The following PIKFYVE variants were observed in gnomAD, a reference collection of about 807,000 sequenced individuals.
The protein encoded by PIKFYVE is phosphoinositide kinase, FYVE-type zinc finger containing, also known as 1-phosphatidylinositol 3-phosphate 5-kinase.
A neutral mutation model predicts 257.9 loss-of-function variants in PIKFYVE; 122 were observed. The ratio of observed to expected loss-of-function variants is 0.47; its 90% CI spans 0.41 to 0.55. PIKFYVE has a LOEUF of 0.55. Ranked by LOEUF, PIKFYVE falls within the 20% of genes least tolerant of loss-of-function variation. The pLI, the probability that PIKFYVE is intolerant of heterozygous loss-of-function variation, is 0.00. For missense variants in PIKFYVE, 2,160 were observed against 2,536.6 expected, an observed-to-expected ratio of 0.85 and a Z score of 3.19; for synonymous variants, 892 against 868.9, an observed-to-expected ratio of 1.03 and a Z score of -0.47.
chr2:208,287,874 A>G (rs1216089948), intron 6 of PIKFYVE, among the ~76,000 whole-genome samples: 1 of 152,104 alleles, frequency 6.6e-6, no homozygotes, highest in Non-Finnish European at 1.5e-5. Flanking sequence ...CATTATAGGC[A>G]TGAGCCACCA....
intron 32 of PIKFYVE, 63 bp from the exon 33 acceptor site, chr2:208,345,048 T>C (rs1312207458): frequency 7.0e-6 from 8 of 1,149,464 alleles, no homozygotes; most frequent in South Asian, 2.5e-5. Context: ...ACTCTAAAGC[T>C]TATGATTTAC....
Position 208,320,333 on chromosome 2 carries a change from A to G in PIKFYVE, c.2164A>G (p.Thr722Ala), listed in dbSNP as rs566701537. The G allele has an allele frequency of 2.7e-4, 439 of 1,612,306 alleles. 2 individuals are homozygous for G. The South Asian group carries it at 4.6e-3, about 17-fold the overall frequency. The change falls in exon 17 of 42, where the codon ACT becomes GCT. Residue 722 changes from threonine (T) to alanine (A), a missense_variant. Thr to Ala is a moderately conservative substitution (Grantham distance 58, BLOSUM62 0). Around this residue, in one of 12 missense-constraint regions of PIKFYVE, gnomAD observed 346 missense variants for 365.6 expected, o/e 0.95. Transcript: ENST00000264380. ...EYLYREETKF[T>A]CIDPIVLQER... Reference sequence around the variant, plus strand: ...TCTCTACAGAGAAGAAACTAAGTTTACTTGCATTGATCCTATTGTGCTTCA... The same window carrying G: ...TCTCTACAGAGAAGAAACTAAGTTTGCTTGCATTGATCCTATTGTGCTTCA...
At chr2:208,344,655 A>G (rs1699057206) in intron 32 of PIKFYVE, among the ~76,000 whole-genome samples, 1 of 151,456 alleles carries the variant, frequency 6.6e-6, no homozygotes, top group Non-Finnish European at 1.5e-5. Flanking sequence ...GGGTTCCTAA[A>G]CTGCTAACCT....
intron 41 of PIKFYVE, among the ~76,000 whole-genome samples, chr2:208,354,905 T>C (rs922489325): frequency 7.2e-5 from 11 of 152,226 alleles, no homozygotes; most frequent in Non-Finnish European, 1.6e-4. Context: ...TTGTCTTTAA[T>C]TAACACTTGA....
In PIKFYVE at chr2:208,335,385, T is replaced by A; in HGVS notation, c.4222T>A (p.Ser1408Thr). ...FIKRQAPLKV[S>T]LLQDLKDFFQ... ...TAAGCGTCAGGCCCCATTAAAAGTG[T>A]CCCTTCTTCAGGATCTGAAGGACTT... is the stretch of plus-strand genomic sequence containing the variant. Residue 1408 changes from serine to threonine, a missense_variant, in exon 25 of 42, where the codon TCC (serine) becomes ACC (threonine). By Grantham distance (58) the Ser-to-Thr change is moderately conservative. Coordinates refer to ENST00000264380, the MANE Select transcript of PIKFYVE (RefSeq NM_015040.4). 4 of 1,611,506 alleles carry A rather than the reference T, an allele frequency of 2.5e-6. No individual in the cohort carries two copies. The South Asian group carries it at 4.4e-5, about 18-fold the overall frequency.
At chr2:208,338,483 G>A in intron 28 of PIKFYVE, 25 bp from the exon 29 acceptor site, 1 of 1,606,340 alleles carries the variant, frequency 6.2e-7, no homozygotes, top group Non-Finnish European at 8.5e-7. Flanking sequence ...TTTTCCATAA[G>A]AACAAAGTAT....
intron 2 of PIKFYVE, among the ~76,000 whole-genome samples, chr2:208,272,280 C>A (rs757300570): frequency 6.6e-6 from 1 of 151,720 alleles, no homozygotes; most frequent in Non-Finnish European, 1.5e-5. Flanking sequence ...AAGGAGATTT[C>A]TTTTAATAGA....
At chr2:208,307,378 G>A (rs772942361) in intron 12 of PIKFYVE, among the ~76,000 whole-genome samples, 7 of 152,192 alleles carry the variant, frequency 4.6e-5, no homozygotes, top group Admixed American at 6.5e-5. Flanking sequence ...ACATGGTTAA[G>A]AGGAAAGTGA....
intron 4 of PIKFYVE, among the ~76,000 whole-genome samples, chr2:208,277,128 TC>T (rs1690213950): frequency 6.6e-6 from 1 of 152,140 alleles, no homozygotes; most frequent in African/African-American, 2.4e-5. Context: ...AGTATAGGGG[TC>T]AGGCTTCCAT....
At chr2:208,270,320 G>A (rs13395304) in intron 1 of PIKFYVE, among the ~76,000 whole-genome samples, 117,984 of 151,986 alleles carry the variant, frequency 0.78, 47,126 homozygotes, top group East Asian at 0.98. Flanking sequence ...GGGATTATAG[G>A]TGTGAGCCAC....
chr2:208,350,683 T>G, intron 36 of PIKFYVE, 88 bp from the exon 37 acceptor site: 7 of 1,408,902 alleles, frequency 5.0e-6, no homozygotes, highest in Non-Finnish European at 7.0e-6. Flanking sequence ...AGTGGTTGCA[T>G]TTGGCCAGGG....
rs1700097867 is a variant in PIKFYVE at position 208,355,260 on chromosome 2, C to T, written c.6252C>T (p.Phe2084=). The change falls in exon 42 of 42, where the codon TTC becomes TTT. Residue 2084 remains phenylalanine, a synonymous_variant. Transcript: ENST00000264380. ...TRFCEAMDKY[F]LMVPDHWTGL... ...TTTGTGAGGCAATGGACAAGTATTT[C>T]CTAATGGTACCAGACCACTGGACAG... is the stretch of plus-strand genomic sequence containing the variant. The T allele has an allele frequency of 5.0e-6, 8 of 1,613,884 alleles. No homozygotes were observed. The highest frequency in any genetic ancestry group is 3.4e-6 in the Non-Finnish European group (4 of 1,179,910).
At chr2:208,295,730 A>G (rs1469225745) in intron 7 of PIKFYVE, among the ~76,000 whole-genome samples, 1 of 152,196 alleles carries the variant, frequency 6.6e-6, no homozygotes, top group Non-Finnish European at 1.5e-5. Context: ...CTCACATGTT[A>G]GGTTTCTCCA....
chr2:208,344,946 C>T (rs1699092824), intron 32 of PIKFYVE, among the ~76,000 whole-genome samples, 165 bp from the exon 33 acceptor site: 1 of 152,066 alleles, frequency 6.6e-6, no homozygotes, highest in South Asian at 2.1e-4. Flanking sequence ...TGACCTTCCT[C>T]ATGAAGCTTC....
At chr2:208,270,853 G>A (rs1574384228) in intron 1 of PIKFYVE, among the ~76,000 whole-genome samples, 1 of 152,038 alleles carries the variant, frequency 6.6e-6, no homozygotes. Context: ...GGCCAACATG[G>A]TGAAACCCCA....
intron 9 of PIKFYVE, among the ~76,000 whole-genome samples, chr2:208,301,848 T>TAC (rs919500442): frequency 2.5e-4 from 38 of 152,036 alleles, no homozygotes; most frequent in Non-Finnish European, 3.1e-4. Context: ...TATATATATA[T>TAC]ACACACACAC....
At chr2:208,303,861 A>G (rs1206525913) in intron 10 of PIKFYVE, among the ~76,000 whole-genome samples, 1 of 152,244 alleles carries the variant, frequency 6.6e-6, no homozygotes, top group Non-Finnish European at 1.5e-5. Flanking sequence ...CAGAGCTAAA[A>G]TAAATTCTAA....
At position 208,315,278 on chromosome 2, in the gene PIKFYVE, G is replaced by A. The variant is rs1285724726; in HGVS notation, c.1912G>A (p.Val638Met). ...SLSSSWRDII[V>M]SLVCQVVQTV... ...GTCATCATCTTGGAGGGACATCATC[G>A]TGTCATTGGTCTGCCAGGTTGTTCA... Residue 638 changes from valine (V) to methionine (M), a missense_variant, in exon 15 of 42, where the codon GTG (valine) becomes ATG (methionine). Val to Met is a conservative substitution (Grantham distance 21). Coordinates refer to ENST00000264380, the MANE Select transcript of PIKFYVE (RefSeq NM_015040.4). 5 of 1,614,116 alleles carry A rather than the reference G, an allele frequency of 3.1e-6. No homozygotes were observed. The highest frequency in any genetic ancestry group is 1.1e-5 in the South Asian group (1 of 91,082).
chr2:208,345,493 A>G (rs1192811002), intron 33 of PIKFYVE, among the ~76,000 whole-genome samples: 1 of 152,166 alleles, frequency 6.6e-6, no homozygotes, highest in Non-Finnish European at 1.5e-5. Flanking sequence ...AATAACTTGT[A>G]AAATTGGTAA....
Sources: gnomAD v4.1 joint callset for allele counts (sites outside exome capture counted in the v4.1 genomes callset) on GRCh38, gnomAD v4.1.1 for gene constraint, gnomAD v4.1.1 regional missense constraint, MANE v1.5 for transcripts, NCBI Gene and HGNC (gene_info 2026-07-23, HGNC 2026-07-21) for gene names.